LARGE1: variants seen among roughly 807,000 people sequenced by gnomAD.
The protein encoded by LARGE1 is LARGE xylosyl- and glucuronyltransferase 1, also known as xylosyl- and glucuronyltransferase LARGE1.
LARGE1 carries 43 observed loss-of-function variants against 87.6 expected under a neutral mutation model. The ratio of observed to expected loss-of-function variants is 0.49; its 90% confidence interval spans 0.38 to 0.63. LARGE1 has a LOEUF of 0.63. Ranked by LOEUF, LARGE1 falls within the 30% of genes least tolerant of loss-of-function variation. LARGE1 has a pLI of 0.00. For missense variants in LARGE1, 802 were observed against 1,000.2 expected (o/e 0.80, Z 2.67); for synonymous variants, 434 against 394.6 (o/e 1.10, Z -1.18).
intron 2 of LARGE1, among the ~76,000 whole-genome samples, chr22:33,756,607 C>T (rs930757239): frequency 4.6e-5 from 7 of 151,896 alleles, no homozygotes; most frequent in Admixed American, 2.0e-4. Flanking sequence ...CCACAGAGGG[C>T]GATGTACACC....
intron 3 of LARGE1, among the ~76,000 whole-genome samples, chr22:33,639,139 C>G (rs2149128910): frequency 6.6e-6 from 1 of 152,298 alleles, no homozygotes; most frequent in South Asian, 2.1e-4. Flanking sequence ...GTACTTAAAG[C>G]CTTTAGCTGC....
chr22:33,618,248 T>G (rs1423074571), intron 4 of LARGE1, among the ~76,000 whole-genome samples: 1 of 152,114 alleles, frequency 6.6e-6, no homozygotes, highest in Admixed American at 6.5e-5. Flanking sequence ...GTCAGTGCCA[T>G]ATCAGAAAAG....
intron 2 of LARGE1, among the ~76,000 whole-genome samples, chr22:33,760,760 A>T (rs891642859): frequency 2.0e-5 from 3 of 152,126 alleles, no homozygotes; most frequent in Admixed American, 1.3e-4. Flanking sequence ...TCTCTACGAA[A>T]AATAGAAGAA....
intron 6 of LARGE1, among the ~76,000 whole-genome samples, chr22:33,549,779 G>C (rs896317414): frequency 1.3e-5 from 2 of 152,154 alleles, no homozygotes; most frequent in Non-Finnish European, 2.9e-5. Flanking sequence ...GGTGTTCCCA[G>C]CCCTGTGTCC....
chr22:33,679,749 G>A (rs1019763501), intron 2 of LARGE1, among the ~76,000 whole-genome samples: 6 of 152,168 alleles, frequency 3.9e-5, no homozygotes, highest in African/African-American at 1.4e-4. Flanking sequence ...GGCTGAGGCA[G>A]GAGAATTGCT....
At chr22:33,866,813 C>CTT (rs898210280) in intron 1 of LARGE1, among the ~76,000 whole-genome samples, 1 of 151,176 alleles carries the variant, frequency 6.6e-6, no homozygotes, top group African/African-American at 2.4e-5. Flanking sequence ...AGTCCATTCA[C>CTT]TTTTTTTTTC....
intron 11 of LARGE1, among the ~76,000 whole-genome samples, chr22:33,228,604 G>A (rs1925851987): frequency 6.6e-6 from 1 of 152,228 alleles, no homozygotes; most frequent in Non-Finnish European, 1.5e-5. Context: ...CAGGAAAAAT[G>A]TAATACACAG....
chr22:33,098,676 C>T, the LARGE1 span, among the ~76,000 whole-genome samples: 8 of 152,110 alleles, frequency 5.3e-5, no homozygotes, highest in African/African-American at 1.9e-4. Context: ...ACAAATCTTA[C>T]TTTGAGCTGG....
chr22:33,311,074 C>T (rs553460794), intron 11 of LARGE1, among the ~76,000 whole-genome samples: 2 of 152,176 alleles, frequency 1.3e-5, no homozygotes, highest in East Asian at 3.9e-4. Context: ...CATTCTTCTG[C>T]CTCAGCCTCC....
At chr22:33,847,589 T>C (rs1026162729) in intron 1 of LARGE1, among the ~76,000 whole-genome samples, 3 of 152,232 alleles carry the variant, frequency 2.0e-5, no homozygotes, top group African/African-American at 7.2e-5. Flanking sequence ...TAATAAGTTG[T>C]TGCTGAATAA....
chr22:33,878,123 GTATTTCTT>G (rs2064528652), intron 1 of LARGE1, among the ~76,000 whole-genome samples: 1 of 61,500 alleles, frequency 1.6e-5, no homozygotes, highest in African/African-American at 5.4e-5. Flanking sequence ...TGTTTATATT[GTATTTCTT>G]TTTTTTTTTT....
chr22:33,469,827 TAAAAACAAAAAACAAAAAACA>T (rs368924028), intron 6 of LARGE1, among the ~76,000 whole-genome samples: 1 of 135,806 alleles, frequency 7.4e-6, no homozygotes, highest in Non-Finnish European at 1.5e-5. Context: ...GACTCCATCT[TAAAAACAAAAAACAAAAAACA>T]AAAAACAAAA....
At chr22:33,448,552 C>T (rs1213165635) in intron 6 of LARGE1, among the ~76,000 whole-genome samples, 4 of 152,168 alleles carry the variant, frequency 2.6e-5, no homozygotes, top group Non-Finnish European at 5.9e-5. Flanking sequence ...TCTGTCCAGC[C>T]CTGTGGTCTT....
At chr22:33,795,484 T>C (rs996177627) in intron 1 of LARGE1, among the ~76,000 whole-genome samples, 1 of 152,032 alleles carries the variant, frequency 6.6e-6, no homozygotes, top group Non-Finnish European at 1.5e-5. Flanking sequence ...GTTAAGAATA[T>C]AGGCTGTGGA....
chr22:33,533,648 AAT>A (rs1444881962), intron 6 of LARGE1, among the ~76,000 whole-genome samples: 1 of 152,152 alleles, frequency 6.6e-6, no homozygotes. Flanking sequence ...GCACTCAATA[AAT>A]GTATGTTTGT....
intron 5 of LARGE1, among the ~76,000 whole-genome samples, chr22:33,594,706 A>C (rs1446248057): frequency 6.6e-6 from 1 of 152,204 alleles, no homozygotes; most frequent in Non-Finnish European, 1.5e-5. Flanking sequence ...TCCTGGGTTC[A>C]AGCGATTCTC....
chr22:33,507,639 T>C (rs2070829422), intron 6 of LARGE1, among the ~76,000 whole-genome samples: 1 of 152,204 alleles, frequency 6.6e-6, no homozygotes, highest in African/African-American at 2.4e-5. Context: ...ATGGTGGCGA[T>C]GGTTGTACCA....
rs989662870 is a variant in LARGE1 at position 33,795,848 on chromosome 22, G to A, written c.-82-34290C>T. Reference sequence around the variant, plus strand: ...GGAACATCACACACTGGGGTCTGTCGTGGGGTGGGGGGAGGTGGGAGAGAT... The same window carrying A: ...GGAACATCACACACTGGGGTCTGTCATGGGGTGGGGGGAGGTGGGAGAGAT... On this transcript the variant is annotated intron_variant, in intron 1 of 14. Coordinates refer to ENST00000397394, the MANE Select transcript of LARGE1 (RefSeq NM_133642.5). Among the ~76,000 whole-genome samples, 6 of 152,114 alleles carry A rather than the reference G, an allele frequency of 3.9e-5. No individual in the cohort carries two copies. In the South Asian group the frequency reaches 8.3e-4, roughly 21 times the overall value.
At chr22:33,686,459 C>T (rs981917030) in intron 2 of LARGE1, among the ~76,000 whole-genome samples, 15 of 149,798 alleles carry the variant, frequency 1.0e-4, no homozygotes, top group African/African-American at 3.7e-4. Context: ...AGGAGAATCG[C>T]TTGAACCTGG....
Sources: gnomAD v4.1 joint callset for allele counts (sites outside exome capture counted in the v4.1 genomes callset) on GRCh38, gnomAD v4.1.1 for gene constraint, MANE v1.5 for transcripts, NCBI Gene and HGNC (gene_info 2026-07-23, HGNC 2026-07-21) for gene names.